The following COL22A1 variants were observed in gnomAD, a reference collection of about 807,000 sequenced individuals.
COL22A1 encodes the protein collagen type XXII alpha 1 chain.
Under a neutral mutation model 248.9 loss-of-function variants are expected in COL22A1, and 221 were observed. The observed-to-expected ratio is 0.89, with a 90% CI of 0.80 to 0.99. COL22A1 has a LOEUF of 0.99. Among genes scored for constraint, COL22A1 ranks in the 50% least tolerant of loss-of-function variants. The probability of loss-of-function intolerance (pLI) is 0.00; values close to 1 mark genes in which losing one functional copy is unlikely to be tolerated. For synonymous variants in COL22A1, 891 were observed against 793.4 expected, an observed-to-expected ratio of 1.12 and a Z score of -2.07; for missense variants, 2,240 against 2,179.0, an observed-to-expected ratio of 1.03 and a Z score of -0.56.
chr8:138,883,833 T>G (rs1314906524), intron 1 of COL22A1, among the ~76,000 whole-genome samples: 1 of 152,150 alleles, frequency 6.6e-6, no homozygotes, highest in Non-Finnish European at 1.5e-5. Flanking sequence ...ACCTCTTTCG[T>G]TTATAAATTA....
intron 1 of COL22A1, among the ~76,000 whole-genome samples, chr8:138,886,567 C>T (rs903950598): frequency 5.9e-5 from 9 of 152,186 alleles, no homozygotes; most frequent in Admixed American, 5.2e-4. Context: ...CCTCTGCTGT[C>T]TCTATTCTGC....
chr8:138,756,788 A>T (rs1833039888), intron 18 of COL22A1, among the ~76,000 whole-genome samples: 2 of 152,150 alleles, frequency 1.3e-5, no homozygotes, highest in South Asian at 4.1e-4. Context: ...TGAGACCAAA[A>T]TGGATACATT....
intron 1 of COL22A1, among the ~76,000 whole-genome samples, chr8:138,902,739 T>TATATATACACACACACAC (rs763466994): frequency 1.6e-3 from 152 of 93,876 alleles, no homozygotes; most frequent in African/African-American, 3.4e-3. Flanking sequence ...TATATATATA[T>TATATATACACACACACAC]ACACACACAC....
intron 58 of COL22A1, among the ~76,000 whole-genome samples, chr8:138,605,042 C>A (rs182598625): frequency 6.6e-6 from 1 of 152,048 alleles, no homozygotes; most frequent in Non-Finnish European, 1.5e-5. Context: ...TCCAGGATAT[C>A]GATTTTACAA....
At chr8:138,882,453 C>A (rs1278094405) in intron 2 of COL22A1, among the ~76,000 whole-genome samples, 1 of 151,208 alleles carries the variant, frequency 6.6e-6, no homozygotes, top group Admixed American at 6.6e-5. Context: ...CTCCCTCACA[C>A]TCCCCTACAC....
At chr8:138,591,354 C>A in intron 64 of COL22A1, 70 bp downstream of exon 64, 1 of 1,193,428 alleles carries the variant, frequency 8.4e-7, no homozygotes, top group South Asian at 1.8e-5. Context: ...TCCTGTGGGG[C>A]CACGGGCAGG....
At chr8:138,743,510 G>A (rs1831865366) in intron 22 of COL22A1, among the ~76,000 whole-genome samples, 2 of 152,044 alleles carry the variant, frequency 1.3e-5, no homozygotes, top group South Asian at 2.1e-4. Context: ...GATGGTGATG[G>A]TGATGCTAAC....
intron 18 of COL22A1, among the ~76,000 whole-genome samples, chr8:138,757,583 T>C (rs1362597542): frequency 6.6e-6 from 1 of 152,210 alleles, no homozygotes; most frequent in Non-Finnish European, 1.5e-5. Flanking sequence ...GTAGGAAAAC[T>C]AAGACCCTCG....
intron 43 of COL22A1, among the ~76,000 whole-genome samples, 165 bp downstream of exon 43, chr8:138,661,865 C>T (rs11780703): frequency 0.65 from 98,534 of 152,044 alleles, 33,368 homozygotes; most frequent in Non-Finnish European, 0.75. Flanking sequence ...CCACACTCAA[C>T]AGAAGAGCAA....
chr8:138,642,026 C>T (rs1821756462), intron 47 of COL22A1, among the ~76,000 whole-genome samples: 1 of 152,188 alleles, frequency 6.6e-6, no homozygotes, highest in South Asian at 2.1e-4. Flanking sequence ...TCAGAGGACA[C>T]ATTTAACCCT....
intron 55 of COL22A1, among the ~76,000 whole-genome samples, chr8:138,614,937 T>C (rs1317696758): frequency 3.3e-5 from 5 of 152,182 alleles, no homozygotes; most frequent in Admixed American, 3.3e-4. Flanking sequence ...GTCCACTTCA[T>C]CAATTTAAAG....
chr8:138,673,682 G>A (rs1277797179), intron 41 of COL22A1, among the ~76,000 whole-genome samples: 3 of 152,182 alleles, frequency 2.0e-5, no homozygotes, highest in African/African-American at 7.2e-5. Flanking sequence ...GCCCTGGGCT[G>A]GCTGTGTAGC....
intron 10 of COL22A1, among the ~76,000 whole-genome samples, chr8:138,806,718 C>A (rs1383206242): frequency 6.6e-6 from 1 of 152,174 alleles, no homozygotes; most frequent in African/African-American, 2.4e-5. Flanking sequence ...GAGCTCACAG[C>A]AGCGGGCACT....
At chr8:138,863,725 C>A (rs1348796459) in intron 3 of COL22A1, among the ~76,000 whole-genome samples, 1 of 152,134 alleles carries the variant, frequency 6.6e-6, no homozygotes, top group Non-Finnish European at 1.5e-5. Flanking sequence ...CTTCTCTGGG[C>A]TCTGGTTAAC....
chr8:138,719,499 T>A (rs1163751672), intron 27 of COL22A1, among the ~76,000 whole-genome samples: 1 of 152,184 alleles, frequency 6.6e-6, no homozygotes, highest in Non-Finnish European at 1.5e-5. Context: ...TTCCACAGTT[T>A]GAGTCAACCT....
In COL22A1 at chr8:138,773,415, C is replaced by T. The variant is rs573422573; in HGVS notation, c.1803+2551G>A. 3.9e-5 allele frequency among the ~76,000 whole-genome samples: 6 copies of T among 152,352 alleles called. No individual in the cohort carries two copies. The East Asian group carries it at 1.2e-3, about 29-fold the overall frequency. Reference sequence around the variant, plus strand: ...ACGGCTGTCTCTTGTCTTCACACAACCTGGCTCTGTGCTCCTGTCCTTTGG... The same window carrying T: ...ACGGCTGTCTCTTGTCTTCACACAATCTGGCTCTGTGCTCCTGTCCTTTGG... On this transcript the variant is annotated intron_variant, in intron 16 of 64. Coordinates refer to ENST00000303045, the MANE Select transcript of COL22A1 (RefSeq NM_152888.3).
intron 11 of COL22A1, among the ~76,000 whole-genome samples, chr8:138,798,389 A>T (rs1816728273): frequency 6.6e-6 from 1 of 151,850 alleles, no homozygotes; most frequent in African/African-American, 2.4e-5. Flanking sequence ...AGTACTTTCT[A>T]GTGTAACATT....
intron 47 of COL22A1, among the ~76,000 whole-genome samples, chr8:138,645,181 T>A (rs370250928): frequency 5.9e-5 from 9 of 152,214 alleles, no homozygotes; most frequent in Admixed American, 2.6e-4. Context: ...GGGTGGAGAT[T>A]TAAGATGCTA....
At chr8:138,731,674 G>C (rs1193046607) in intron 23 of COL22A1, among the ~76,000 whole-genome samples, 2 of 151,770 alleles carry the variant, frequency 1.3e-5, no homozygotes, top group East Asian at 3.9e-4. Context: ...GTGAGTTCTG[G>C]GGGTAACTGT....
Sources: gnomAD v4.1 joint callset for allele counts (sites outside exome capture counted in the v4.1 genomes callset) on GRCh38, gnomAD v4.1.1 for gene constraint, MANE v1.5 for transcripts, NCBI Gene and HGNC (gene_info 2026-07-23, HGNC 2026-07-21) for gene names.